Variants in PARPBP observed in about 807,000 individuals in gnomAD.
The protein encoded by PARPBP is PCNA-interacting partner.
Under a neutral mutation model 50.0 loss-of-function variants are expected in PARPBP, and 52 were observed. That is an observed-to-expected ratio of 1.04 (90% confidence interval 0.83 to 1.31). The LOEUF is 1.31. Among genes scored for constraint, PARPBP ranks in the 50% most tolerant of loss-of-function variants. The probability of loss-of-function intolerance (pLI) is 0.00; values close to 1 mark genes in which losing one functional copy is unlikely to be tolerated. For missense variants in PARPBP, 697 were observed against 672.0 expected (o/e 1.04, Z -0.41); for synonymous variants, 244 against 232.1 (o/e 1.05, Z -0.47).
intron 6 of PARPBP, among the ~76,000 whole-genome samples, chr12:102,169,853 A>T (rs1565890189): frequency 6.6e-6 from 1 of 152,164 alleles, no homozygotes; most frequent in Non-Finnish European, 1.5e-5. Flanking sequence ...ACTCCTGCCC[A>T]TCTCTCACTC....
At chr12:102,188,753 G>T (rs1411755767) in intron 9 of PARPBP, among the ~76,000 whole-genome samples, 1 of 151,978 alleles carries the variant, frequency 6.6e-6, no homozygotes, top group Non-Finnish European at 1.5e-5. Flanking sequence ...GAATCAGAAA[G>T]AAATTAACTT....
In PARPBP at chr12:102,196,114, C is replaced by T. The variant is rs200520358; in HGVS notation, c.1563C>T (p.Leu521=). Reference sequence around the variant, plus strand: ...TGGATTTGGATGGTGAAAATATTCTCTGTGATAATAGAAATGAACCACCTC... The same window carrying T: ...TGGATTTGGATGGTGAAAATATTCTTTGTGATAATAGAAATGAACCACCTC... ...KQVDLDGENI[L]CDNRNEPPQH... The change falls in exon 11 of 11, where the codon CTC becomes CTT. Residue 521 remains leucine (L), a synonymous_variant. Transcript: ENST00000327680. 252 of 1,611,906 alleles carry T rather than the reference C, an allele frequency of 1.6e-4. 1 individual carries two copies. Among genetic ancestry groups the T allele is most frequent in the Admixed American group, 7.5e-4 (45 of 59,778 alleles).
At chr12:102,138,446 T>G (rs1884014833) in intron 2 of PARPBP, among the ~76,000 whole-genome samples, 1 of 152,166 alleles carries the variant, frequency 6.6e-6, no homozygotes, top group Admixed American at 6.5e-5. Context: ...TTTCTCCCAT[T>G]CTGTAGGTTG....
At chr12:102,121,545 C>CTTTTT (rs35855638) in intron 1 of PARPBP, among the ~76,000 whole-genome samples, 1 of 87,140 alleles carries the variant, frequency 1.1e-5, no homozygotes, top group Non-Finnish European at 2.2e-5. Context: ...TAGTAATGCT[C>CTTTTT]TTTTTTTTTT....
chr12:102,186,622 T>A (rs371565969), intron 9 of PARPBP, among the ~76,000 whole-genome samples: 23 of 152,330 alleles, frequency 1.5e-4, no homozygotes, highest in African/African-American at 5.3e-4. Context: ...ATTAAATGAT[T>A]TTTCAAGGAG....
intron 4 of PARPBP, among the ~76,000 whole-genome samples, chr12:102,162,881 CT>C (rs1887743582): frequency 6.6e-6 from 1 of 150,638 alleles, no homozygotes; most frequent in Admixed American, 6.6e-5. Flanking sequence ...TTTATTTTTC[CT>C]TTTCTCATTG....
At chr12:102,160,166 T>A (rs1887410665) in intron 4 of PARPBP, among the ~76,000 whole-genome samples, 1 of 152,200 alleles carries the variant, frequency 6.6e-6, no homozygotes, top group African/African-American at 2.4e-5. Flanking sequence ...AACAGCCATG[T>A]TATCTGACCA....
intron 9 of PARPBP, among the ~76,000 whole-genome samples, chr12:102,185,790 A>C (rs1018722449): frequency 6.6e-6 from 1 of 152,040 alleles, no homozygotes; most frequent in Admixed American, 6.6e-5. Context: ...AGTAGCTGGG[A>C]TTACAGGCAC....
rs531630893 is a variant in PARPBP, at chr12:102,135,969, C to T, written c.153+11928C>T. ...TGCATTTATGTGAGATACCATTCTA[C>T]TGAGTCTTAAATCCAGTATGATCAT... is the stretch of plus-strand genomic sequence containing the variant. On this transcript the variant is annotated intron_variant, in intron 2 of 10. Coordinates refer to ENST00000327680, the MANE Select transcript of PARPBP (RefSeq NM_017915.5). 2.6e-5 allele frequency among the ~76,000 whole-genome samples: 4 copies of T among 152,316 alleles called. No individual in the cohort carries two copies. In the South Asian group the frequency reaches 8.3e-4, roughly 32 times the overall value.
At chr12:102,126,461 A>G (rs1239988730) in intron 2 of PARPBP, among the ~76,000 whole-genome samples, 1 of 152,180 alleles carries the variant, frequency 6.6e-6, no homozygotes, top group Non-Finnish European at 1.5e-5. Context: ...CAAGTTAGCC[A>G]TATTGCACTG....
chr12:102,128,568 G>A (rs1362253621), intron 2 of PARPBP, among the ~76,000 whole-genome samples: 1 of 152,124 alleles, frequency 6.6e-6, no homozygotes, highest in African/African-American at 2.4e-5. Flanking sequence ...TTGTAAGTGA[G>A]ATTATGTGGT....
chr12:102,137,675 C>T (rs975889627), intron 2 of PARPBP, among the ~76,000 whole-genome samples: 1 of 151,788 alleles, frequency 6.6e-6, no homozygotes, highest in Non-Finnish European at 1.5e-5. Flanking sequence ...CCACGACAGG[C>T]CCCAGTTTGT....
intron 4 of PARPBP, among the ~76,000 whole-genome samples, chr12:102,156,176 CTTT>C (rs869213784): frequency 7.6e-5 from 5 of 66,174 alleles, no homozygotes; most frequent in Non-Finnish European, 2.7e-5. Flanking sequence ...ATTAACCTTC[CTTT>C]TTTTTTTTTT....
intron 2 of PARPBP, among the ~76,000 whole-genome samples, chr12:102,132,392 A>G (rs1883004382): frequency 6.6e-6 from 1 of 152,214 alleles, no homozygotes; most frequent in African/African-American, 2.4e-5. Flanking sequence ...CCAGTTGTCC[A>G]ACATTTATTG....
intron 6 of PARPBP, among the ~76,000 whole-genome samples, chr12:102,170,228 A>G (rs1888552493): frequency 2.0e-5 from 3 of 152,236 alleles, no homozygotes; most frequent in Admixed American, 2.0e-4. Context: ...TGTATTTCAC[A>G]TTTATCACAC....
At chr12:102,160,287 G>C (rs1190506477) in intron 4 of PARPBP, among the ~76,000 whole-genome samples, 6 of 152,176 alleles carry the variant, frequency 3.9e-5, no homozygotes, top group African/African-American at 1.2e-4. Flanking sequence ...CAGATCAGAA[G>C]GACAAAATTT....
chr12:102,145,945 T>C (rs1885284443), intron 2 of PARPBP, among the ~76,000 whole-genome samples: 1 of 152,132 alleles, frequency 6.6e-6, no homozygotes. Flanking sequence ...TTCCTAGTAA[T>C]AGTAATGAAA....
At chr12:102,130,178 C>T (rs1353645230) in intron 2 of PARPBP, among the ~76,000 whole-genome samples, 1 of 152,180 alleles carries the variant, frequency 6.6e-6, no homozygotes, top group African/African-American at 2.4e-5. Flanking sequence ...GCTGGGATAA[C>T]TGGCTAACCA....
intron 6 of PARPBP, among the ~76,000 whole-genome samples, chr12:102,170,133 G>T (rs1888543939): frequency 1.3e-5 from 2 of 152,288 alleles, no homozygotes; most frequent in African/African-American, 4.8e-5. Context: ...AATGCATAGT[G>T]TACTTTCACC....
Sources: gnomAD v4.1 joint callset for allele counts (sites outside exome capture counted in the v4.1 genomes callset) on GRCh38, gnomAD v4.1.1 for gene constraint, MANE v1.5 for transcripts, NCBI Gene and HGNC (gene_info 2026-07-23, HGNC 2026-07-21) for gene names.